The following ZNF8 variants were observed in gnomAD, a reference collection of about 807,000 sequenced individuals.
The protein encoded by ZNF8 is zinc finger protein 272.
A neutral mutation model predicts 12.2 loss-of-function variants in ZNF8; 9 were observed. The ratio of observed to expected loss-of-function variants is 0.73; its 90% confidence interval spans 0.44 to 1.28. ZNF8 has a LOEUF of 1.28. Among genes scored for constraint, ZNF8 ranks in the 50% most tolerant of loss-of-function variants. ZNF8 has a pLI of 0.00. For synonymous variants in ZNF8, 274 were observed against 282.3 expected, an observed-to-expected ratio of 0.97 and a Z score of 0.30; for missense variants, 664 against 729.1, an observed-to-expected ratio of 0.91 and a Z score of 1.03.
In ZNF8 at chr19:58,299,974, T is replaced by C. The variant is rs548361423; in HGVS notation, c.*4438T>C. The stretch of plus-strand genomic sequence containing the variant: ...CCTCTTCGGGGTTGTCCTCAAAACG[T>C]TGCCGTGTCAGCTCTCACTTTTCAC... On this transcript the variant is annotated 3_prime_UTR_variant, in exon 4 of 4. Coordinates refer to ENST00000621650, the MANE Select transcript of ZNF8 (RefSeq NM_021089.3). 1 of 152,334 alleles carries C rather than the reference T, an allele frequency of 6.6e-6. No homozygotes were observed. Among genetic ancestry groups the C allele is most frequent in the African/African-American group, 2.4e-5 (1 of 41,562 alleles). 9.4% of individuals were successfully genotyped at this position (152,334 alleles called of 1,614,324 possible).
chr19:58,292,254 G>T (rs530198105), intron 3 of ZNF8, among the ~76,000 whole-genome samples: 3 of 152,116 alleles, frequency 2.0e-5, no homozygotes, highest in Non-Finnish European at 2.9e-5. Flanking sequence ...AAATACCACC[G>T]CCTGGGTGTC....
rs949010011 is a variant in ZNF8, at chr19:58,297,364, A to C, written c.*1828A>C. ...TTATACATGATGTACTTTTTAGTAC[A>C]TCCTTTACGGTTTTGCAGCATTCAT... is the stretch of plus-strand genomic sequence containing the variant. On this transcript the variant is annotated 3_prime_UTR_variant, in exon 4 of 4. Coordinates refer to ENST00000621650, the MANE Select transcript of ZNF8 (RefSeq NM_021089.3). The C allele has an allele frequency of 2.0e-5, 3 of 152,194 alleles. No individual in the cohort carries two copies. Among genetic ancestry groups the C allele is most frequent in the African/African-American group, 7.2e-5 (3 of 41,442 alleles). The allele number at this position is 152,194 out of a possible 1,614,324, so 9.4% of individuals were successfully genotyped here.
intron 3 of ZNF8, among the ~76,000 whole-genome samples, chr19:58,288,695 A>C (rs1206036210): frequency 6.6e-6 from 1 of 152,160 alleles, no homozygotes; most frequent in Non-Finnish European, 1.5e-5. Flanking sequence ...TGGGATGTAC[A>C]ACCAGCAATG....
At chr19:58,279,613 C>G in intron 1 of ZNF8, 2 of 1,534,194 alleles carry the variant, frequency 1.3e-6, no homozygotes, top group Non-Finnish European at 1.7e-6. Context: ...CGCGGAGCCC[C>G]TGCCCTGGGG....
In ZNF8 at chr19:58,302,622, C is replaced by T. The variant is rs1429851577; in HGVS notation, c.*7086C>T. On this transcript the variant is annotated 3_prime_UTR_variant, in exon 4 of 4. Transcript: ENST00000621650. Reference sequence around the variant, plus strand: ...ATGTGCTCTCCACCCAGTATTTTACCAGCCTTGAGTTTTCTCAAAGGGGGC... The same window carrying T: ...ATGTGCTCTCCACCCAGTATTTTACTAGCCTTGAGTTTTCTCAAAGGGGGC... The T allele has an allele frequency of 6.6e-6, 1 of 152,138 alleles. No homozygotes were observed. Among genetic ancestry groups the T allele is most frequent in the Non-Finnish European group, 1.5e-5 (1 of 68,022 alleles). The allele number at this position is 152,138 out of a possible 1,614,324, so 9.4% of individuals were successfully genotyped here.
Position 58,297,092 on chromosome 19 carries a change from G to A in ZNF8, c.*1556G>A, listed in dbSNP as rs1333418769. 6.6e-6 allele frequency: 1 copy of A among 152,134 alleles called. No individual in the cohort carries two copies. The highest frequency in any genetic ancestry group is 2.4e-5 in the African/African-American group (1 of 41,414). The allele number at this position is 152,134 out of a possible 1,614,324, so 9.4% of individuals were successfully genotyped here. A position where few individuals can be genotyped will look rare whatever the true frequency, so the allele number is the denominator to read the frequency against. ...CTAAAAATACACAAATTAGCCAAGT[G>A]TGGTGACATGCGCCTGTAATTCTAG... On this transcript the variant is annotated 3_prime_UTR_variant, in exon 4 of 4. Transcript: ENST00000621650.
chr19:58,279,291 C>T (rs1472463558), intron 1 of ZNF8, 144 bp downstream of exon 1: 6 of 1,519,644 alleles, frequency 3.9e-6, no homozygotes, highest in Admixed American at 2.0e-5. Flanking sequence ...CGGGTCGGGG[C>T]GTGGTGACCG....
rs537103837 is a variant in ZNF8, at chr19:58,295,826, A to G, written c.*290A>G. 6.1e-4 allele frequency: 208 copies of G among 342,388 alleles called. No homozygotes were observed. Among genetic ancestry groups the G allele is most frequent in the Non-Finnish European group, 1.7e-4 (32 of 188,920 alleles). The allele number at this position is 342,388 out of a possible 1,614,324, so 21.2% of individuals were successfully genotyped here. A position where few individuals can be genotyped will look rare whatever the true frequency, so the allele number is the denominator to read the frequency against. ...TCAAAAAAAATCAATATGCGGCCCC[A>G]TTTTGTAAAGGATCATTAAAATGAA... On this transcript the variant is annotated 3_prime_UTR_variant, in exon 4 of 4. Transcript: ENST00000621650.
Position 58,296,567 on chromosome 19 carries a change from G to A in ZNF8, c.*1031G>A, listed in dbSNP as rs934215861. The stretch of plus-strand genomic sequence containing the variant: ...CTGCCACCACGCCCAGCTAATTTTT[G>A]TATTTTTGGTAGAAATGGGGTGTTG... On this transcript the variant is annotated 3_prime_UTR_variant, in exon 4 of 4. Coordinates refer to ENST00000621650, the MANE Select transcript of ZNF8 (RefSeq NM_021089.3). The A allele has an allele frequency of 6.6e-6, 1 of 152,028 alleles. No homozygotes were observed. The highest frequency in any genetic ancestry group is 1.5e-5 in the Non-Finnish European group (1 of 68,028). 9.4% of individuals were successfully genotyped at this position (152,028 alleles called of 1,614,324 possible). A position where few individuals can be genotyped will look rare whatever the true frequency, so the allele number is the denominator to read the frequency against.
At chr19:58,281,530 C>T (rs1320120178) in intron 1 of ZNF8, among the ~76,000 whole-genome samples, 1 of 152,132 alleles carries the variant, frequency 6.6e-6, no homozygotes, top group African/African-American at 2.4e-5. Context: ...ATGGCTTGGA[C>T]AGACCAGTAC....
At chr19:58,285,612 C>T in intron 1 of ZNF8, 105 bp from the exon 2 acceptor site, 1 of 1,535,170 alleles carries the variant, frequency 6.5e-7, no homozygotes, top group African/African-American at 1.4e-5. Flanking sequence ...AACGTGCAGT[C>T]TCTCGTGACA....
intron 2 of ZNF8, 109 bp from the exon 3 acceptor site, chr19:58,286,001 G>A: frequency 7.1e-7 from 1 of 1,411,446 alleles, no homozygotes; most frequent in Non-Finnish European, 9.8e-7. Context: ...GCTTCACCAT[G>A]TTGTGAGGTG....
Position 58,294,608 on chromosome 19 carries a change from A to G in ZNF8, c.800A>G (p.Asn267Ser), listed in dbSNP as rs202096304. ...TGTACTGACTGTGGGAAGTCGTTTA[A>G]CCATAACGCACACCTCACCGTGCAC... ...YKCTDCGKSF[N>S]HNAHLTVHKR... Residue 267 changes from asparagine (N) to serine (S), a missense_variant, in exon 4 of 4, where the codon AAC becomes AGC. By Grantham distance (46) the Asn-to-Ser change is conservative. Coordinates refer to ENST00000621650, the MANE Select transcript of ZNF8 (RefSeq NM_021089.3). The surrounding 1 kb of genome is among the most constrained non-coding windows in gnomAD (Gnocchi z 5.5). The G allele has an allele frequency of 4.5e-5, 73 of 1,613,986 alleles. No homozygotes were observed. The highest frequency in any genetic ancestry group is 5.9e-5 in the Non-Finnish European group (70 of 1,180,028).
At chr19:58,291,450 C>A (rs1295751128) in intron 3 of ZNF8, among the ~76,000 whole-genome samples, 2 of 152,206 alleles carry the variant, frequency 1.3e-5, no homozygotes, top group Non-Finnish European at 2.9e-5. Flanking sequence ...TGTTCTTCCG[C>A]ACTCTCCCAG....
chr19:58,301,848 T>C lies in ZNF8; in HGVS notation c.*6312T>C, dbSNP rs941971235. 1.2e-4 allele frequency: 18 copies of C among 152,180 alleles called. No individual in the cohort carries two copies. The highest frequency in any genetic ancestry group is 4.3e-4 in the African/African-American group (18 of 41,436). The allele number at this position is 152,180 out of a possible 1,614,324, so 9.4% of individuals were successfully genotyped here. A position where few individuals can be genotyped will look rare whatever the true frequency, so the allele number is the denominator to read the frequency against. On this transcript the variant is annotated 3_prime_UTR_variant, in exon 4 of 4. Transcript: ENST00000621650. ...ACTAAATTACAAATACATAAACCCTTTGTCTCACCAAACCTGCTGGGAATG... is the reference window on the plus strand; with the variant it reads ...ACTAAATTACAAATACATAAACCCTCTGTCTCACCAAACCTGCTGGGAATG...
chr19:58,284,256 GTGA>G (rs764597632), intron 1 of ZNF8, among the ~76,000 whole-genome samples: 61 of 152,060 alleles, frequency 4.0e-4, no homozygotes, highest in Non-Finnish European at 8.4e-4. Context: ...TATTCAGTCT[GTGA>G]TATTCTGTTA....
At chr19:58,279,839 A>G (rs1426405031) in intron 1 of ZNF8, 1 of 1,379,528 alleles carries the variant, frequency 7.2e-7, no homozygotes, top group South Asian at 1.2e-5. Flanking sequence ...GGAAACAACA[A>G]TAATTATCCT....
chr19:58,295,068 G>T lies in ZNF8; in HGVS notation c.1260G>T (p.Ala420=), dbSNP rs142948937. The T allele has an allele frequency of 6.8e-6, 11 of 1,613,894 alleles. No homozygotes were observed. The highest frequency in any genetic ancestry group is 4.0e-5 in the African/African-American group (3 of 74,934). ...TGGCCCAGCACCAGCGGAAGCACGC[G>T]GGGGAGAAGCCCTTTGAGTGCCGCC... ...SSLAQHQRKH[A]GEKPFECRQR... The change falls in exon 4 of 4, where the codon GCG becomes GCT. Residue 420 remains alanine (A), a synonymous_variant. Transcript: ENST00000621650.
In ZNF8 at chr19:58,295,221, G is replaced by A. The variant is rs763197582; in HGVS notation, c.1413G>A (p.Gln471=). Residue 471 remains glutamine, a synonymous_variant, in exon 4 of 4, where the codon CAG becomes CAA. Transcript: ENST00000621650. Reference sequence around the variant, plus strand: ...GCGACAGACCCTTCAAATGTAATCAGTGTGGGAAGTGTTTCATTCAGAGCT... The same window carrying A: ...GCGACAGACCCTTCAAATGTAATCAATGTGGGAAGTGTTTCATTCAGAGCT... ...HRSDRPFKCN[Q]CGKCFIQSSH... The A allele has an allele frequency of 1.2e-6, 2 of 1,614,214 alleles. No homozygotes were observed.
Sources: gnomAD v4.1 joint callset for allele counts (sites outside exome capture counted in the v4.1 genomes callset) on GRCh38, gnomAD v4.1.1 for gene constraint, Gnocchi (gnomAD v3.1) non-coding constraint, MANE v1.5 for transcripts, NCBI Gene and HGNC (gene_info 2026-07-23, HGNC 2026-07-21) for gene names.